ULK4: variants seen among roughly 807,000 people sequenced by gnomAD.
The protein encoded by ULK4 is unc-51 like kinase 4.
Under a neutral mutation model 160.6 loss-of-function variants are expected in ULK4, and 133 were observed. The ratio of observed to expected loss-of-function variants is 0.83; its 90% confidence interval spans 0.72 to 0.96. ULK4 has a LOEUF of 0.96. ULK4 is among the 40% of genes least tolerant of loss of function. The pLI is 0.00. For missense variants in ULK4, 1,580 were observed against 1,499.5 expected (o/e 1.05, Z -0.89); for synonymous variants, 534 against 539.8 (o/e 0.99, Z 0.15).
chr3:41,805,861 G>T (rs9811247), intron 19 of ULK4, among the ~76,000 whole-genome samples: 5,290 of 121,498 alleles, frequency 0.044, 115 homozygotes, highest in Middle Eastern at 0.13. Context: ...ATAAGCTTTT[G>T]GATGTGCTGC....
chr3:41,721,233 G>C (rs2037441960), intron 22 of ULK4, among the ~76,000 whole-genome samples: 1 of 120,728 alleles, frequency 8.3e-6, no homozygotes, highest in South Asian at 3.0e-4. Flanking sequence ...AATGGAAGCA[G>C]ATGAGAAATT....
chr3:41,880,013 G>A (rs1000281197), intron 17 of ULK4, among the ~76,000 whole-genome samples: 11 of 152,032 alleles, frequency 7.2e-5, no homozygotes, highest in African/African-American at 1.2e-4. Flanking sequence ...CCAGCTACTC[G>A]GGAGGCTGAG....
At chr3:41,507,147 T>C (rs1477682046) in intron 32 of ULK4, among the ~76,000 whole-genome samples, 1 of 34,574 alleles carries the variant, frequency 2.9e-5, no homozygotes, top group African/African-American at 1.2e-4. Flanking sequence ...AAAAAAAAAA[T>C]AGAATTATAC....
At chr3:41,824,852 C>T (rs568557317) in intron 18 of ULK4, among the ~76,000 whole-genome samples, 7 of 152,292 alleles carry the variant, frequency 4.6e-5, no homozygotes, top group South Asian at 2.1e-4. Context: ...GATCTGAGAA[C>T]GGACAGACTG....
chr3:41,782,911 T>C (rs2039896669), intron 21 of ULK4, among the ~76,000 whole-genome samples: 1 of 152,156 alleles, frequency 6.6e-6, no homozygotes, highest in African/African-American at 2.4e-5. Flanking sequence ...ATCATAACCT[T>C]TTAAAATGAT....
rs548385582 is a variant in ULK4, at chr3:41,448,266, C to T, written c.3492+7231G>A. 4.6e-5 allele frequency among the ~76,000 whole-genome samples: 7 copies of T among 152,132 alleles called. 1 individual carries two copies. Among genetic ancestry groups the T allele is most frequent in the African/African-American group, 1.7e-4 (7 of 41,524 alleles). On this transcript the variant is annotated intron_variant, in intron 34 of 36. Transcript: ENST00000301831. ...TATGGGAGCCGGGGTCTGAGGCACGCTAAACCAGTTTTCGTGGGTGTAACC... is the reference window on the plus strand; with the variant it reads ...TATGGGAGCCGGGGTCTGAGGCACGTTAAACCAGTTTTCGTGGGTGTAACC...
rs111668040 is a variant in ULK4, at chr3:41,868,573, C to T, written c.1656+15301G>A. 3.3e-3 allele frequency among the ~76,000 whole-genome samples: 499 copies of T among 152,240 alleles called. 6 individuals are homozygous for T. Among genetic ancestry groups the T allele is most frequent in the African/African-American group, 0.011 (471 of 41,540 alleles). ...TGGGATCTCAGCTCACTGTAACCTA[C>T]GCCTCCAGGTTTCAAGCCATTCTCC... On this transcript the variant is annotated intron_variant, in intron 17 of 36. Coordinates refer to ENST00000301831, the MANE Select transcript of ULK4 (RefSeq NM_017886.4).
chr3:41,919,759 C>G lies in ULK4; in HGVS notation c.601G>C (p.Asp201His). The G allele has an allele frequency of 6.2e-7, 1 of 1,614,078 alleles. No individual in the cohort carries two copies. Among genetic ancestry groups the G allele is most frequent in the East Asian group, 2.2e-5 (1 of 44,882 alleles). The change falls in exon 6 of 37, where the codon GAC becomes CAC. Residue 201 changes from aspartate (D) to histidine (H), a missense_variant. Transcript: ENST00000301831. ...VRGADFSISS[D>H]LWSLGCLLYE... is the part of the protein sequence containing the mutation. ...AGCAGACAGCCCAAAGACCAGAGGT[C>G]ACTGGAGATGGAAAAGTCAGCACCC...
chr3:41,325,942 T>C lies in ULK4; in HGVS notation c.3678+72137A>G, dbSNP rs926882851. Among the ~76,000 whole-genome samples the C allele has an allele frequency of 5.9e-5, 9 of 151,794 alleles. No homozygotes were observed. In the East Asian group the frequency reaches 9.7e-4, roughly 16 times the overall value. Reference sequence around the variant, plus strand: ...TCAAAATAAATAAATAAATAAGTAATAGATATATAGATATAAATAAATTAT... The same window carrying C: ...TCAAAATAAATAAATAAATAAGTAACAGATATATAGATATAAATAAATTAT... On this transcript the variant is annotated intron_variant, in intron 35 of 36. Transcript: ENST00000301831.
chr3:41,711,710 A>AC (rs2037101944), intron 25 of ULK4, among the ~76,000 whole-genome samples: 1 of 152,228 alleles, frequency 6.6e-6, no homozygotes, highest in Non-Finnish European at 1.5e-5. Flanking sequence ...CCAGAACTTA[A>AC]ACACAACAAA....
chr3:41,751,508 T>G (rs2038626363), intron 22 of ULK4, among the ~76,000 whole-genome samples: 1 of 152,154 alleles, frequency 6.6e-6, no homozygotes, highest in South Asian at 2.1e-4. Context: ...TCATCCTGTT[T>G]GTTGTGTTGC....
chr3:41,384,702 G>A (rs1163543932), intron 35 of ULK4, among the ~76,000 whole-genome samples: 4 of 151,882 alleles, frequency 2.6e-5, no homozygotes, highest in East Asian at 1.9e-4. Flanking sequence ...CTCCTGCCTC[G>A]GCCTCCTGAG....
intron 30 of ULK4, among the ~76,000 whole-genome samples, chr3:41,638,435 CA>C (rs1293199473): frequency 6.6e-6 from 1 of 152,018 alleles, no homozygotes. Flanking sequence ...AAATGCACCC[CA>C]AAAAATGGTG....
intron 34 of ULK4, among the ~76,000 whole-genome samples, chr3:41,421,094 A>G (rs2082654905): frequency 6.6e-6 from 1 of 150,514 alleles, no homozygotes; most frequent in African/African-American, 2.5e-5. Context: ...AGCCTGGGAA[A>G]CAAATAAGTG....
At chr3:41,695,793 C>T (rs1205932673) in intron 27 of ULK4, among the ~76,000 whole-genome samples, 1 of 152,044 alleles carries the variant, frequency 6.6e-6, no homozygotes, top group Non-Finnish European at 1.5e-5. Flanking sequence ...GACATGATTA[C>T]GTATGAATAC....
intron 29 of ULK4, among the ~76,000 whole-genome samples, chr3:41,666,084 G>A (rs892147332): frequency 6.6e-6 from 1 of 152,166 alleles, no homozygotes; most frequent in African/African-American, 2.4e-5. Context: ...AGCAATGTGT[G>A]GCAACACTGG....
intron 32 of ULK4, among the ~76,000 whole-genome samples, chr3:41,560,111 T>C (rs2087507522): frequency 6.6e-6 from 1 of 152,248 alleles, no homozygotes; most frequent in Admixed American, 6.5e-5. Context: ...CAGCACCATT[T>C]ATTAAATAGG....
intron 20 of ULK4, among the ~76,000 whole-genome samples, chr3:41,798,914 T>C (rs2040377068): frequency 6.6e-6 from 1 of 152,118 alleles, no homozygotes. Context: ...GGTTTGTCTC[T>C]GAAAAGAGAA....
chr3:41,599,863 C>A (rs1675335295), intron 31 of ULK4, among the ~76,000 whole-genome samples: 1 of 152,092 alleles, frequency 6.6e-6, no homozygotes, highest in South Asian at 2.1e-4. Flanking sequence ...CCGTGCCTGG[C>A]AGAAAAGGCA....
Sources: allele counts gnomAD v4.1 joint callset (sites outside exome capture counted in the v4.1 genomes callset), GRCh38; gene constraint gnomAD v4.1.1; transcripts MANE v1.5; gene names NCBI Gene and HGNC (gene_info 2026-07-23, HGNC 2026-07-21).